The following BBS9 variants were observed in gnomAD, a reference collection of about 807,000 sequenced individuals.
BBS9 encodes the protein protein PTHB1.
In BBS9, 89 loss-of-function variants were observed where a neutral mutation model predicts 117.7. That is an observed-to-expected ratio of 0.76 (90% CI 0.64 to 0.90). The LOEUF (loss-of-function observed/expected upper bound fraction) is 0.90, where lower values mean the gene tolerates loss of function less well. Ranked by LOEUF, BBS9 falls within the 40% of genes least tolerant of loss-of-function variation. The pLI, the probability that BBS9 is intolerant of heterozygous loss-of-function variation, is 0.00. For missense variants in BBS9, 982 were observed against 1,042.2 expected (o/e 0.94, Z 0.80); for synonymous variants, 379 against 370.9 (o/e 1.02, Z -0.25).
chr7:33,421,238 G>A (rs967779434), intron 19 of BBS9, among the ~76,000 whole-genome samples: 13 of 151,442 alleles, frequency 8.6e-5, no homozygotes, highest in East Asian at 3.9e-4. Context: ...AAGTAGGTAC[G>A]TCCAAGGAAT....
chr7:33,302,968 C>T (rs1270700368), intron 9 of BBS9, among the ~76,000 whole-genome samples: 1 of 152,074 alleles, frequency 6.6e-6, no homozygotes, highest in Non-Finnish European at 1.5e-5. Flanking sequence ...TTATAGTTTT[C>T]ATTGTAGAGA....
At chr7:33,482,891 A>G (rs868683094) in intron 19 of BBS9, among the ~76,000 whole-genome samples, 19 of 152,134 alleles carry the variant, frequency 1.2e-4, no homozygotes, top group Non-Finnish European at 2.4e-4. Flanking sequence ...ATCATTTTCC[A>G]TTTACTATGA....
chr7:33,346,239 A>G (rs1024284474), intron 12 of BBS9: 1 of 470,164 alleles, frequency 2.1e-6, no homozygotes, highest in African/African-American at 2.0e-5. Flanking sequence ...GCCAAGATAT[A>G]CAACCATGCA....
downstream of BBS9, among the ~76,000 whole-genome samples, chr7:33,606,922 C>G (rs1864605524): frequency 6.6e-6 from 1 of 151,968 alleles, no homozygotes; most frequent in African/African-American, 2.4e-5. Context: ...CTTATATGCC[C>G]CTTAAATCAT....
At chr7:33,211,172 GTTA>G (rs1377327776) in intron 5 of BBS9, among the ~76,000 whole-genome samples, 3 of 152,030 alleles carry the variant, frequency 2.0e-5, no homozygotes, top group Non-Finnish European at 2.9e-5. Context: ...TACATTTAAT[GTTA>G]TTATTGATAT....
chr7:33,177,373 T>C, intron 4 of BBS9, 105 bp from the exon 5 acceptor site: 1 of 782,820 alleles, frequency 1.3e-6, no homozygotes. Flanking sequence ...TGCTTTGCCA[T>C]TATAATTTCC....
chr7:33,247,716 A>G (rs940119985), intron 5 of BBS9, among the ~76,000 whole-genome samples: 1 of 152,182 alleles, frequency 6.6e-6, no homozygotes, highest in South Asian at 2.1e-4. Context: ...CCTAGCACAT[A>G]CTAGGTGTAC....
chr7:33,353,012 C>T, intron 15 of BBS9, 139 bp downstream of exon 15: 2 of 824,942 alleles, frequency 2.4e-6, no homozygotes, highest in Non-Finnish European at 3.9e-6. Context: ...GATACAGTGC[C>T]TTGATTCTGC....
chr7:33,574,725 ACG>A (rs144503125), intron 21 of BBS9, among the ~76,000 whole-genome samples: 107 of 125,902 alleles, frequency 8.5e-4, no homozygotes, highest in Middle Eastern at 7.8e-3. Context: ...ACACACACAC[ACG>A]CGCACACACA....
chr7:33,553,511 T>G (rs1854792159), intron 21 of BBS9, among the ~76,000 whole-genome samples: 1 of 152,210 alleles, frequency 6.6e-6, no homozygotes, highest in African/African-American at 2.4e-5. Context: ...TCTGTTCCAG[T>G]AATGCCCTCT....
intron 21 of BBS9, among the ~76,000 whole-genome samples, chr7:33,557,577 T>G (rs771524120): frequency 6.6e-6 from 1 of 152,180 alleles, no homozygotes; most frequent in Non-Finnish European, 1.5e-5. Context: ...TTGGATACAA[T>G]GGACTGGTGG....
At chr7:33,277,619 T>G (rs1435149070) in intron 9 of BBS9, among the ~76,000 whole-genome samples, 3 of 151,406 alleles carry the variant, frequency 2.0e-5, no homozygotes, top group African/African-American at 7.3e-5. Context: ...AGGTTAGGGG[T>G]TTTTCAAAAG....
chr7:33,219,138 A>G (rs10951382), intron 5 of BBS9, among the ~76,000 whole-genome samples: 125,542 of 152,212 alleles, frequency 0.82, 51,787 homozygotes, highest in Admixed American at 0.86. Context: ...TGCGGAGGGT[A>G]TACTGGGTCC....
chr7:33,425,967 T>C (rs1276799586), intron 19 of BBS9, among the ~76,000 whole-genome samples: 1 of 152,150 alleles, frequency 6.6e-6, no homozygotes, highest in African/African-American at 2.4e-5. Flanking sequence ...TACATTAAAA[T>C]AAAACCAAAA....
chr7:33,479,409 G>A (rs1842219907), intron 19 of BBS9, among the ~76,000 whole-genome samples: 1 of 152,126 alleles, frequency 6.6e-6, no homozygotes, highest in Admixed American at 6.5e-5. Context: ...ATGGTCTCTA[G>A]CTACATCCAT....
chr7:33,274,862 G>A (rs980588310), intron 9 of BBS9, among the ~76,000 whole-genome samples: 1 of 151,984 alleles, frequency 6.6e-6, no homozygotes. Flanking sequence ...AGGTGTGGCG[G>A]CGTGTGCATG....
chr7:33,579,724 C>T (rs1427998683), intron 21 of BBS9, among the ~76,000 whole-genome samples: 1 of 152,148 alleles, frequency 6.6e-6, no homozygotes, highest in African/African-American at 2.4e-5. Flanking sequence ...GTCAGCCAAG[C>T]ATTTCAAGAC....
intron 19 of BBS9, among the ~76,000 whole-genome samples, chr7:33,448,077 G>A (rs1244033145): frequency 6.6e-6 from 1 of 152,164 alleles, no homozygotes; most frequent in East Asian, 1.9e-4. Context: ...TGGCCAGTAA[G>A]TTGGAAGTTG....
intron 19 of BBS9, among the ~76,000 whole-genome samples, chr7:33,403,083 T>A (rs1829208540): frequency 1.3e-5 from 2 of 151,212 alleles, no homozygotes; most frequent in African/African-American, 4.9e-5. Context: ...TCCTTTAAAA[T>A]TTTTTAAAAA....
Sources: gnomAD v4.1 joint callset for allele counts (sites outside exome capture counted in the v4.1 genomes callset) on GRCh38, gnomAD v4.1.1 for gene constraint, MANE v1.5 for transcripts, NCBI Gene and HGNC (gene_info 2026-07-23, HGNC 2026-07-21) for gene names.